The following GRID2 variants were observed in gnomAD, a reference collection of about 807,000 sequenced individuals.
GRID2 encodes the protein glutamate ionotropic receptor delta type subunit 2, also known as glutamate receptor ionotropic, delta-2.
GRID2 carries 33 observed loss-of-function variants against 114.8 expected under a neutral mutation model. The ratio of observed to expected loss-of-function variants is 0.29; its 90% CI spans 0.22 to 0.38. GRID2 has a LOEUF of 0.38. Ranked by LOEUF, GRID2 falls within the 10% of genes least tolerant of loss-of-function variation. GRID2 has a pLI of 1.00. For missense variants in GRID2, 1,184 were observed against 1,257.7 expected (o/e 0.94, Z 0.89); for synonymous variants, 505 against 449.9 (o/e 1.12, Z -1.55).
intron 1 of GRID2, among the ~76,000 whole-genome samples, chr4:93,785,736 A>G (rs1309499461): frequency 6.6e-6 from 1 of 152,166 alleles, no homozygotes; most frequent in East Asian, 1.9e-4. Flanking sequence ...CCCAGGAGAA[A>G]CTTCGGGAAT....
intron 1 of GRID2, among the ~76,000 whole-genome samples, chr4:92,486,284 AT>A (rs1230357472): frequency 1.3e-5 from 2 of 151,886 alleles, no homozygotes; most frequent in Non-Finnish European, 2.9e-5. Context: ...TTAATGTAAT[AT>A]CATGCCCTTT....
intron 4 of GRID2, among the ~76,000 whole-genome samples, chr4:93,185,240 C>T (rs1488794755): frequency 6.6e-6 from 1 of 152,082 alleles, no homozygotes; most frequent in Admixed American, 6.5e-5. Context: ...GTTTTCCTGT[C>T]TTGTTACAGT....
At chr4:93,615,244 T>C (rs1440380024) in intron 13 of GRID2, among the ~76,000 whole-genome samples, 1 of 152,196 alleles carries the variant, frequency 6.6e-6, no homozygotes, top group African/African-American at 2.4e-5. Context: ...GGCCAGGCTT[T>C]TGTCAATCGT....
At chr4:92,533,185 T>C (rs975558483) in intron 1 of GRID2, among the ~76,000 whole-genome samples, 4 of 143,692 alleles carry the variant, frequency 2.8e-5, no homozygotes, top group African/African-American at 9.9e-5. Flanking sequence ...CTTTGGTGTG[T>C]TTTTTTGTTT....
intron 2 of GRID2, among the ~76,000 whole-genome samples, chr4:92,943,428 A>C (rs955177958): frequency 3.9e-5 from 6 of 152,108 alleles, no homozygotes; most frequent in African/African-American, 1.4e-4. Flanking sequence ...TTTCAGCTCC[A>C]TCAGGTCGTT....
intron 2 of GRID2, among the ~76,000 whole-genome samples, chr4:92,672,462 T>C (rs1003010653): frequency 1.3e-5 from 2 of 152,126 alleles, no homozygotes; most frequent in African/African-American, 4.8e-5. Flanking sequence ...TACAGCTTTC[T>C]CCAGTCTTTT....
intron 13 of GRID2, among the ~76,000 whole-genome samples, chr4:93,569,692 C>T (rs949151581): frequency 6.6e-6 from 1 of 152,172 alleles, no homozygotes; most frequent in Non-Finnish European, 1.5e-5. Context: ...CATCTGCTAA[C>T]AAATCCTAGC....
At chr4:93,341,698 G>A (rs767074674) in intron 8 of GRID2, among the ~76,000 whole-genome samples, 12 of 152,148 alleles carry the variant, frequency 7.9e-5, no homozygotes, top group Non-Finnish European at 1.3e-4. Flanking sequence ...ATGACATAAA[G>A]TGGAGTAGAC....
At chr4:92,394,526 C>G (rs1730398606) in intron 1 of GRID2, among the ~76,000 whole-genome samples, 1 of 152,056 alleles carries the variant, frequency 6.6e-6, no homozygotes, top group Non-Finnish European at 1.5e-5. Context: ...ATGCTTATAT[C>G]ATTCTCTACT....
chr4:93,656,778 C>T (rs1450803442), intron 14 of GRID2, among the ~76,000 whole-genome samples: 1 of 111,392 alleles, frequency 9.0e-6, no homozygotes, highest in African/African-American at 3.1e-5. Flanking sequence ...TGCCGTGAGC[C>T]GAGATTGCGC....
intron 9 of GRID2, among the ~76,000 whole-genome samples, chr4:93,406,675 G>C (rs1766461471): frequency 6.6e-6 from 1 of 152,098 alleles, no homozygotes; most frequent in African/African-American, 2.4e-5. Context: ...ATTTATCTTT[G>C]AGTTGTGTAG....
intron 13 of GRID2, among the ~76,000 whole-genome samples, chr4:93,523,712 G>A (rs1005092435): frequency 3.3e-5 from 5 of 152,132 alleles, no homozygotes; most frequent in African/African-American, 4.8e-5. Flanking sequence ...ATCCCTGACA[G>A]TGGCAGTGGA....
At chr4:93,184,507 C>CAAAAA in intron 4 of GRID2, among the ~76,000 whole-genome samples, 1 of 79,560 alleles carries the variant, frequency 1.3e-5, no homozygotes, top group East Asian at 3.4e-4. Context: ...TATTATTTCT[C>CAAAAA]AAAAAAAAAA....
At chr4:92,827,103 T>G (rs949073438) in intron 2 of GRID2, among the ~76,000 whole-genome samples, 1 of 152,108 alleles carries the variant, frequency 6.6e-6, no homozygotes, top group African/African-American at 2.4e-5. Context: ...TCAATTCATG[T>G]TTCTTAACAA....
intron 2 of GRID2, among the ~76,000 whole-genome samples, chr4:93,079,723 A>G (rs1729680542): frequency 6.6e-6 from 1 of 152,098 alleles, no homozygotes; most frequent in African/African-American, 2.4e-5. Flanking sequence ...AAGGTGACTT[A>G]TAATATGTGC....
At chr4:92,817,027 GGTTAAAACCTTCAATGACCTTCACCTA>G (rs1216344848) in intron 2 of GRID2, among the ~76,000 whole-genome samples, 1 of 151,900 alleles carries the variant, frequency 6.6e-6, no homozygotes, top group Non-Finnish European at 1.5e-5. Context: ...CATCTTGGAT[GGTTAAAACCTTCAATGACCTTCACCTA>G]GTTACACAAT....
chr4:92,963,153 AGTCTTGCCTGGGTATTGATGGTTG>A (rs1356084305), intron 2 of GRID2, among the ~76,000 whole-genome samples: 2 of 151,906 alleles, frequency 1.3e-5, no homozygotes, highest in African/African-American at 4.8e-5. Context: ...GCTGGTGGAG[AGTCTTGCCTGGGTATTGATGGTTG>A]GTGCCTGATT....
At position 92,411,625 on chromosome 4, in the gene GRID2, A is replaced by ATG. The variant is rs751440294; in HGVS notation, c.88+106911_88+106912dup. On this transcript the variant is annotated intron_variant, in intron 1 of 15. Coordinates refer to ENST00000282020, the MANE Select transcript of GRID2 (RefSeq NM_001510.4). ...GTGCATTATATATAGATATATATGC[A>ATG]TGTGTGTGTGTGTGTGTGTGTGTGT... 5.3e-3 allele frequency among the ~76,000 whole-genome samples: 564 copies of ATG among 105,660 alleles called. 13 individuals carry two copies. The highest frequency in any genetic ancestry group is 0.028 in the South Asian group (87 of 3,158). The allele number at this position is 105,660 out of a possible 152,430, so 69.3% of individuals were successfully genotyped here.
At chr4:92,664,887 T>A (rs969885031) in intron 2 of GRID2, among the ~76,000 whole-genome samples, 3 of 151,118 alleles carry the variant, frequency 2.0e-5, no homozygotes, top group African/African-American at 7.3e-5. Context: ...ATATCTTTTT[T>A]AAATCTGTCA....
Sources: gnomAD v4.1 joint callset for allele counts (sites outside exome capture counted in the v4.1 genomes callset) on GRCh38, gnomAD v4.1.1 for gene constraint, MANE v1.5 for transcripts, NCBI Gene and HGNC (gene_info 2026-07-23, HGNC 2026-07-21) for gene names.